PTPRN2: variants seen among roughly 807,000 people sequenced by gnomAD.
PTPRN2 encodes the protein receptor-type tyrosine-protein phosphatase N2.
PTPRN2 carries 74 observed loss-of-function variants against 118.8 expected under a neutral mutation model. The observed-to-expected ratio is 0.62, with a 90% CI of 0.52 to 0.76. The LOEUF is 0.76. PTPRN2 is among the 30% of genes least tolerant of loss of function. The pLI, the probability that PTPRN2 is intolerant of heterozygous loss-of-function variation, is 0.00. For missense variants in PTPRN2, 1,481 were observed against 1,394.4 expected (o/e 1.06, Z -0.99); for synonymous variants, 641 against 608.0 (o/e 1.05, Z -0.80).
chr7:157,555,677 G>A (rs1798840802), intron 21 of PTPRN2, among the ~76,000 whole-genome samples: 2 of 152,142 alleles, frequency 1.3e-5, no homozygotes, highest in South Asian at 4.1e-4. Flanking sequence ...AAACTGCAGG[G>A]ATGCAATGTA....
chr7:158,308,842 A>C (rs1041301825), intron 3 of PTPRN2, among the ~76,000 whole-genome samples: 1 of 152,314 alleles, frequency 6.6e-6, no homozygotes, highest in Admixed American at 6.5e-5. Flanking sequence ...CAGAAATACT[A>C]TAAGTAATCA....
rs1281733164 is a variant in PTPRN2, at chr7:158,476,110, T to C, written c.163+13625A>G. ...ACCTCCTCTTCCTGGGCTCAAGTGA[T>C]CCTCCCACCTCAGCCTCCCGAGTAG... On this transcript the variant is annotated intron_variant, in intron 2 of 22. Coordinates refer to ENST00000389418, the MANE Select transcript of PTPRN2 (RefSeq NM_002847.5). Among the ~76,000 whole-genome samples the C allele has an allele frequency of 3.3e-5, 5 of 152,146 alleles. No homozygotes were observed. The East Asian group carries it at 9.6e-4, about 29-fold the overall frequency.
rs988860224 is a variant in PTPRN2, at chr7:157,944,250, C to T, written c.1724-45513G>A. On this transcript the variant is annotated intron_variant, in intron 11 of 22. Coordinates refer to ENST00000389418, the MANE Select transcript of PTPRN2 (RefSeq NM_002847.5). The surrounding 1 kb of genome is among the most constrained non-coding windows in gnomAD (Gnocchi z 4.3). ...GACAAAGATTGAGCATGGTTCGTCG[C>T]GAACGCCAGCCTGCCCCCACGGTCA... Among the ~76,000 whole-genome samples, 20 of 152,268 alleles carry T rather than the reference C, an allele frequency of 1.3e-4. No homozygotes were observed. The highest frequency in any genetic ancestry group is 1.2e-3 in the East Asian group (6 of 5,166).
intron 3 of PTPRN2, among the ~76,000 whole-genome samples, chr7:158,316,576 C>A (rs2151093450): frequency 6.6e-6 from 1 of 152,244 alleles, no homozygotes; most frequent in East Asian, 1.9e-4. Flanking sequence ...CGGGCCACTG[C>A]AGCCTCCTGG....
At chr7:157,866,691 A>G (rs1170943564) in intron 12 of PTPRN2, among the ~76,000 whole-genome samples, 2 of 151,964 alleles carry the variant, frequency 1.3e-5, no homozygotes, top group East Asian at 3.9e-4. Context: ...GGCTCGCCCC[A>G]GTGCTTGCCA....
At chr7:158,324,533 G>A (rs1163602521) in intron 2 of PTPRN2, among the ~76,000 whole-genome samples, 2 of 151,854 alleles carry the variant, frequency 1.3e-5, no homozygotes, top group African/African-American at 4.8e-5. Flanking sequence ...GGAGGGGCTG[G>A]CATGAGTCTC....
intron 2 of PTPRN2, among the ~76,000 whole-genome samples, chr7:158,403,719 C>T (rs1256443982): frequency 1.3e-5 from 2 of 152,140 alleles, no homozygotes; most frequent in African/African-American, 2.4e-5. Context: ...AAGACCCACT[C>T]GGGGAGGGGT....
At chr7:157,559,513 G>A (rs537657358) in intron 21 of PTPRN2, among the ~76,000 whole-genome samples, 1 of 152,180 alleles carries the variant, frequency 6.6e-6, no homozygotes, top group Non-Finnish European at 1.5e-5. Context: ...CACAGACTGT[G>A]TGGGGAGGGC....
At chr7:157,702,456 G>C (rs945325886) in intron 12 of PTPRN2, among the ~76,000 whole-genome samples, 12 of 152,204 alleles carry the variant, frequency 7.9e-5, no homozygotes, top group African/African-American at 2.9e-4. Context: ...CCTCAGAGAA[G>C]TAAGCTGAGG....
At chr7:158,569,457 G>A (rs916871711) in intron 1 of PTPRN2, among the ~76,000 whole-genome samples, 1 of 152,252 alleles carries the variant, frequency 6.6e-6, no homozygotes, top group Non-Finnish European at 1.5e-5. Flanking sequence ...TCCCCGGGAC[G>A]TCACAGCGGA....
rs1246289446 is a variant in PTPRN2 at position 157,578,152 on chromosome 7, G to C, written c.2497-12C>G. 6.2e-7 allele frequency: 1 copy of C among 1,601,736 alleles called. No homozygotes were observed. Among genetic ancestry groups the C allele is most frequent in the Non-Finnish European group, 8.5e-7 (1 of 1,172,332 alleles). On this transcript the variant is annotated splice_polypyrimidine_tract_variant and intron_variant, in intron 17 of 22. Coordinates refer to ENST00000389418, the MANE Select transcript of PTPRN2 (RefSeq NM_002847.5). ...CTCTCCCACACCATCTGCGGACAAA[G>C]AAGGCCCGTGGCCGCGGTGTGACTG... is the stretch of plus-strand genomic sequence containing the variant.
rs1276612246 is a variant in PTPRN2 at position 158,133,998 on chromosome 7, G to T, written c.1235C>A (p.Pro412His). The T allele has an allele frequency of 1.2e-6, 2 of 1,614,036 alleles. No individual in the cohort carries two copies. The highest frequency in any genetic ancestry group is 2.2e-5 in the South Asian group (2 of 91,088). ...LLQDHGSRLL[P>H]GALPFARPLD... The stretch of plus-strand genomic sequence containing the variant: ...GGGCCTTGCAAAGGGGAGGGCTCCA[G>T]GTAAGAGTCGAGACCCGTGGTCCTG... Residue 412 changes from proline to histidine, a missense_variant, in exon 9 of 23, where the codon CCT becomes CAT. Around this residue, in one of 3 missense-constraint regions of PTPRN2, gnomAD observed 1,115 missense variants for 994.2 expected, o/e 1.12. Transcript: ENST00000389418.
intron 14 of PTPRN2, among the ~76,000 whole-genome samples, chr7:157,648,387 C>T (rs879065374): frequency 3.6e-5 from 3 of 83,042 alleles, no homozygotes; most frequent in Non-Finnish European, 5.3e-5. Flanking sequence ...GCACTGAACT[C>T]GGTGGGTCGG....
intron 12 of PTPRN2, among the ~76,000 whole-genome samples, chr7:157,720,744 G>T (rs1426033658): frequency 8.5e-5 from 13 of 152,166 alleles, no homozygotes; most frequent in Admixed American, 8.5e-4. Flanking sequence ...CTTTATAATA[G>T]AAATTACAAA....
At chr7:157,718,135 G>C (rs2150906881) in intron 12 of PTPRN2, among the ~76,000 whole-genome samples, 1 of 152,346 alleles carries the variant, frequency 6.6e-6, no homozygotes, top group Non-Finnish European at 1.5e-5. Flanking sequence ...GGAGGGAGGG[G>C]AGACAAAGAA....
At chr7:157,658,818 A>T (rs965943973) in intron 13 of PTPRN2, among the ~76,000 whole-genome samples, 1 of 152,182 alleles carries the variant, frequency 6.6e-6, no homozygotes, top group Admixed American at 6.5e-5. Context: ...GTGAAAATGC[A>T]TTCGTGAGAA....
At chr7:158,530,050 C>T (rs1210422468) in intron 1 of PTPRN2, among the ~76,000 whole-genome samples, 1 of 152,134 alleles carries the variant, frequency 6.6e-6, no homozygotes, top group African/African-American at 2.4e-5. Context: ...TCTGTCACAA[C>T]CAAGAGGGAA....
intron 16 of PTPRN2, among the ~76,000 whole-genome samples, chr7:157,602,373 G>A (rs1006870827): frequency 4.6e-5 from 7 of 152,196 alleles, no homozygotes; most frequent in South Asian, 2.1e-4. Context: ...GCCGAGAGCT[G>A]AGCACCCTCC....
intron 14 of PTPRN2, among the ~76,000 whole-genome samples, chr7:157,643,859 G>C (rs889056773): frequency 1.3e-5 from 2 of 152,202 alleles, no homozygotes; most frequent in South Asian, 4.1e-4. Flanking sequence ...GCAGATAGAC[G>C]GCAGTCCGGG....
Sources: gnomAD v4.1 joint callset for allele counts (sites outside exome capture counted in the v4.1 genomes callset) on GRCh38, gnomAD v4.1.1 for gene constraint, gnomAD v4.1.1 regional missense constraint, Gnocchi (gnomAD v3.1) non-coding constraint, MANE v1.5 for transcripts, NCBI Gene and HGNC (gene_info 2026-07-23, HGNC 2026-07-21) for gene names.